Variants in TMEM243 observed in about 807,000 individuals in gnomAD.
TMEM243 encodes transmembrane protein 243, also known as MDR1 and mitochondrial taxol resistance associated.
TMEM243 carries 20 observed loss-of-function variants against 15.0 expected under a neutral mutation model. The ratio of observed to expected loss-of-function variants is 1.33; its 90% CI spans 0.94 to 1.93. The LOEUF is 1.93. Ranked by LOEUF, TMEM243 falls within the 30% of genes most tolerant of loss-of-function variation. TMEM243 has a pLI of 0.00. For missense variants in TMEM243, 156 were observed against 142.1 expected (o/e 1.10, Z -0.50); for synonymous variants, 72 against 52.7 (o/e 1.37, Z -1.59).
intron 3 of TMEM243, among the ~76,000 whole-genome samples, chr7:87,197,542 G>GTAAT (rs1801399955): frequency 1.3e-5 from 2 of 151,916 alleles, no homozygotes; most frequent in Admixed American, 1.3e-4. Context: ...AACTAATTTT[G>GTAAT]TAATAATTAG....
At chr7:87,203,705 T>C (rs1378754782) in intron 1 of TMEM243, among the ~76,000 whole-genome samples, 1 of 152,110 alleles carries the variant, frequency 6.6e-6, no homozygotes, top group African/African-American at 2.4e-5. Context: ...TACAACAGAA[T>C]TTTAAGTTCT....
chr7:87,205,813 A>G (rs1362277305), intron 1 of TMEM243, among the ~76,000 whole-genome samples: 5 of 152,080 alleles, frequency 3.3e-5, no homozygotes, highest in East Asian at 1.9e-4. Context: ...AACTTTTCCT[A>G]TCTTCTTCTG....
intron 1 of TMEM243, among the ~76,000 whole-genome samples, chr7:87,199,884 G>A (rs1335338757): frequency 6.6e-6 from 1 of 152,154 alleles, no homozygotes; most frequent in East Asian, 1.9e-4. Context: ...AAAAGGTAAA[G>A]TATGATAGTG....
upstream of TMEM243, chr7:87,220,500 TC>T (rs1803454886): frequency 6.6e-6 from 1 of 152,210 alleles, no homozygotes; most frequent in Admixed American, 6.5e-5. Context: ...AATCGCGCGG[TC>T]CCGTCGCAGC....
intron 3 of TMEM243, chr7:87,197,715 TTAAG>T (rs1801430978): frequency 1.4e-5 from 4 of 276,164 alleles, no homozygotes; most frequent in South Asian, 1.4e-4. Flanking sequence ...TTTTTTTTTT[TTAAG>T]CTATCAAGGG....
chr7:87,197,899 T>G (rs1562875330), intron 3 of TMEM243, 42 bp downstream of exon 3: 9 of 1,612,422 alleles, frequency 5.6e-6, no homozygotes, highest in South Asian at 1.1e-5. Context: ...CATTGCAACT[T>G]AAACCCTCAA....
intron 3 of TMEM243, 134 bp downstream of exon 3, chr7:87,197,807 A>G: frequency 1.3e-6 from 2 of 1,535,054 alleles, no homozygotes; most frequent in Non-Finnish European, 1.7e-6. Context: ...GAGAATTCTA[A>G]CATACTTTTA....
chr7:87,219,063 G>T (rs1803303789), intron 1 of TMEM243, among the ~76,000 whole-genome samples: 1 of 151,994 alleles, frequency 6.6e-6, no homozygotes, highest in African/African-American at 2.4e-5. Context: ...GCTCTCTCAG[G>T]AAGCTCTGGG....
At chr7:87,209,892 CAG>C (rs1382178619) in intron 1 of TMEM243, among the ~76,000 whole-genome samples, 24 of 131,790 alleles carry the variant, frequency 1.8e-4, no homozygotes, top group African/African-American at 6.3e-4. Context: ...GCGTGAGAGA[CAG>C]TGAGAGAGTG....
In TMEM243 at chr7:87,199,064, G is replaced by C. The variant is rs140515644; in HGVS notation, c.79-7C>G. The C allele has an allele frequency of 2.3e-4, 363 of 1,603,836 alleles. 1 individual carries two copies. The East Asian group carries it at 7.6e-3, about 34-fold the overall frequency. On this transcript the variant is annotated splice_region_variant and splice_polypyrimidine_tract_variant and intron_variant, in intron 1 of 3. Transcript: ENST00000257637. ...CTAAATTGATGATTCGATCCTGAAA[G>C]AGAAAAGAATTTTTAAGCCATATGA...
intron 1 of TMEM243, among the ~76,000 whole-genome samples, chr7:87,217,135 C>T (rs747465026): frequency 1.3e-5 from 2 of 152,188 alleles, no homozygotes; most frequent in African/African-American, 2.4e-5. Flanking sequence ...TATATGTGTC[C>T]GTTCTCATAA....
rs1001502889 is a variant in TMEM243, at chr7:87,198,932, G to C, written c.129+75C>G. The stretch of plus-strand genomic sequence containing the variant: ...AAAAGCACTTATTTAGCTTTTTTTG[G>C]AAAGTTAACCATAATTGATAAAGTT... On this transcript the variant is annotated intron_variant, in intron 2 of 3. Transcript: ENST00000257637. The C allele has an allele frequency of 4.5e-6, 6 of 1,330,396 alleles. No individual in the cohort carries two copies. In the African/African-American group the frequency reaches 4.6e-5, roughly 10 times the overall value. The allele number at this position is 1,330,396 out of a possible 1,614,324, so 82.4% of individuals were successfully genotyped here.
At chr7:87,201,266 G>GCT (rs766652433) in intron 1 of TMEM243, among the ~76,000 whole-genome samples, 2 of 152,160 alleles carry the variant, frequency 1.3e-5, no homozygotes, top group African/African-American at 4.8e-5. Flanking sequence ...TACTTCTAAT[G>GCT]CTCTCTGTTT....
intron 1 of TMEM243, among the ~76,000 whole-genome samples, chr7:87,206,230 G>A (rs989805664): frequency 3.3e-5 from 5 of 152,148 alleles, no homozygotes; most frequent in Non-Finnish European, 5.9e-5. Context: ...TAAAATTCAA[G>A]ATGACATTTG....
At chr7:87,219,846 C>T, upstream of TMEM243, 1 of 337,788 alleles carries the variant, frequency 3.0e-6, no homozygotes, top group Non-Finnish European at 5.5e-6. Flanking sequence ...CCCTCTGGGC[C>T]GCCAGGGTAG....
intron 1 of TMEM243, among the ~76,000 whole-genome samples, chr7:87,215,265 C>CCCAGCTAA (rs1803022879): frequency 6.6e-6 from 1 of 152,080 alleles, no homozygotes; most frequent in South Asian, 2.1e-4. Flanking sequence ...TGCCACCATG[C>CCCAGCTAA]CCAGCTAATT....
At chr7:87,210,893 CCA>C (rs1445761950) in intron 1 of TMEM243, among the ~76,000 whole-genome samples, 1 of 152,236 alleles carries the variant, frequency 6.6e-6, no homozygotes, top group Non-Finnish European at 1.5e-5. Context: ...TTCTGTGCAC[CCA>C]CAGACCCAAC....
At chr7:87,220,496 G>T (rs1016348529), upstream of TMEM243, 1 of 152,264 alleles carries the variant, frequency 6.6e-6, no homozygotes, top group African/African-American at 2.4e-5. Context: ...GAGGAATCGC[G>T]CGGTCCCGTC....
chr7:87,197,647 T>TA, intron 3 of TMEM243: 1 of 1,108,740 alleles, frequency 9.0e-7, no homozygotes, highest in Non-Finnish European at 1.2e-6. Context: ...GAAGATGAAT[T>TA]AAGTAAATTA....
Sources: gnomAD v4.1 joint callset for allele counts (sites outside exome capture counted in the v4.1 genomes callset) on GRCh38, gnomAD v4.1.1 for gene constraint, MANE v1.5 for transcripts, NCBI Gene and HGNC (gene_info 2026-07-23, HGNC 2026-07-21) for gene names.